Variants in IDH1 observed in about 807,000 individuals in gnomAD.
IDH1 encodes the protein isocitrate dehydrogenase (NADP(+)) 1, also known as isocitrate dehydrogenase [NADP] cytoplasmic.
Under a neutral mutation model 46.1 loss-of-function variants are expected in IDH1, and 33 were observed. The ratio of observed to expected loss-of-function variants is 0.72; its 90% CI spans 0.54 to 0.96. IDH1 has a LOEUF of 0.96. Ranked by LOEUF, IDH1 falls within the 40% of genes least tolerant of loss-of-function variation. The pLI, the probability that IDH1 is intolerant of heterozygous loss-of-function variation, is 0.00. For synonymous variants in IDH1, 144 were observed against 172.8 expected (o/e 0.83, Z 1.31); for missense variants, 421 against 515.7 (o/e 0.82, Z 1.78).
chr2:208,252,907 G>C (rs181688824), intron 2 of IDH1, among the ~76,000 whole-genome samples: 13 of 152,324 alleles, frequency 8.5e-5, no homozygotes, highest in African/African-American at 2.6e-4. Flanking sequence ...TGAACAGAAT[G>C]GTGTGGATGA....
chr2:208,251,190 T>G, intron 3 of IDH1: 1 of 391,438 alleles, frequency 2.6e-6, no homozygotes, highest in Non-Finnish European at 4.6e-6. Context: ...AAAGCTAACT[T>G]CACCTCAAAA....
chr2:208,254,721 C>G (rs1343513274), intron 1 of IDH1, among the ~76,000 whole-genome samples: 1 of 152,202 alleles, frequency 6.6e-6, no homozygotes, highest in Non-Finnish European at 1.5e-5. Flanking sequence ...GGCCCAAAAG[C>G]AGACCTTCTG....
intron 6 of IDH1, among the ~76,000 whole-genome samples, chr2:208,242,826 G>A (rs777790878): frequency 5.3e-5 from 8 of 150,812 alleles, no homozygotes; most frequent in Non-Finnish European, 8.8e-5. Flanking sequence ...GTGCAGTGGC[G>A]TGATTTCGGC....
Position 208,243,667 on chromosome 2 carries a change from A to T in IDH1, c.521-63T>A, listed in dbSNP as rs1244581896. 6 of 1,372,542 alleles carry T rather than the reference A, an allele frequency of 4.4e-6. No homozygotes were observed. The African/African-American group carries it at 8.6e-5, about 20-fold the overall frequency. The allele number at this position is 1,372,542 out of a possible 1,614,324, so 85.0% of individuals were successfully genotyped here. ...AGAATAAATGTAATGTAGTTGTAAT[A>T]AGGCTAAAATCACCCACCACAACCA... On this transcript the variant is annotated intron_variant, in intron 5 of 9. Coordinates refer to ENST00000345146, the MANE Select transcript of IDH1 (RefSeq NM_005896.4).
chr2:208,238,961 G>A, intron 9 of IDH1, 110 bp downstream of exon 9: 1 of 1,009,950 alleles, frequency 9.9e-7, no homozygotes, highest in Non-Finnish European at 1.6e-6. Flanking sequence ...GCTGACTCCT[G>A]AACTAGATGA....
At position 208,236,972 on chromosome 2, in the gene IDH1, A is replaced by C. The variant is rs185188955; in HGVS notation, c.*107T>G. On this transcript the variant is annotated 3_prime_UTR_variant, in exon 10 of 10. Transcript: ENST00000345146. Reference sequence around the variant, plus strand: ...AAAGATAAACTCTGGCTTCTAAACAAATTACAAAATTGATTTTGCCTTTAT... The same window carrying C: ...AAAGATAAACTCTGGCTTCTAAACACATTACAAAATTGATTTTGCCTTTAT... The C allele has an allele frequency of 1.7e-4, 119 of 689,810 alleles. No homozygotes were observed. In the East Asian group the frequency reaches 2.4e-3, roughly 14 times the overall value. 42.7% of individuals were successfully genotyped at this position (689,810 alleles called of 1,614,324 possible).
At chr2:208,251,763 A>C (rs1488272745) in intron 2 of IDH1, among the ~76,000 whole-genome samples, 196 bp from the exon 3 acceptor site, 1 of 152,164 alleles carries the variant, frequency 6.6e-6, no homozygotes, top group Non-Finnish European at 1.5e-5. Context: ...TTCTCTGAAC[A>C]AAGTATTGTG....
chr2:208,248,466 G>A lies in IDH1; in HGVS notation c.317C>T (p.Thr106Met), dbSNP rs1168869530. The A allele has an allele frequency of 1.7e-5, 27 of 1,613,974 alleles. No homozygotes were observed. The highest frequency in any genetic ancestry group is 1.6e-4 in the Middle Eastern group (1 of 6,062). ...NGTIRNILGG[T>M]VFREAIICKN... ...GCAGATAATGGCTTCTCTGAAGACC[G>A]TGCCACCCAGAATATTTCGTATGGT... The change falls in exon 4 of 10, where the codon ACG (threonine) becomes ATG (methionine). Residue 106 changes from threonine to methionine, a missense_variant. Transcript: ENST00000345146.
chr2:208,242,027 C>T lies in IDH1; in HGVS notation c.817G>A (p.Asp273Asn). ...GGFIWACKNY[D>N]GDVQSDSVAQ... ...ACAGAGTCCGACTGCACGTCACCAT[C>T]ATAGTTTTTACAGGCCCAGATGAAG... is the stretch of plus-strand genomic sequence containing the variant. The change falls in exon 7 of 10, where the codon GAT (aspartate) becomes AAT (asparagine). Residue 273 changes from aspartate to asparagine, a missense_variant. By Grantham distance (23) the Asp-to-Asn change is conservative. Transcript: ENST00000345146. The T allele has an allele frequency of 1.9e-6, 3 of 1,612,832 alleles. No individual in the cohort carries two copies. The East Asian group carries it at 6.7e-5, about 36-fold the overall frequency.
chr2:208,251,093 C>G (rs1688113705), intron 3 of IDH1, among the ~76,000 whole-genome samples: 1 of 152,022 alleles, frequency 6.6e-6, no homozygotes, highest in Admixed American at 6.5e-5. Flanking sequence ...GTTTTTCTAG[C>G]AGTATGTTAA....
intron 4 of IDH1, among the ~76,000 whole-genome samples, chr2:208,247,033 G>A (rs1031485410): frequency 8.5e-5 from 13 of 152,294 alleles, no homozygotes; most frequent in South Asian, 8.3e-4. Flanking sequence ...TAGCGAGTTT[G>A]CACCACTGCC....
At chr2:208,254,738 C>T (rs888068633) in intron 1 of IDH1, among the ~76,000 whole-genome samples, 2 of 152,166 alleles carry the variant, frequency 1.3e-5, no homozygotes, top group Non-Finnish European at 2.9e-5. Flanking sequence ...TCTGCATATC[C>T]AAGCATCCAG....
chr2:208,250,860 CTAAG>C (rs1413262046), intron 3 of IDH1, among the ~76,000 whole-genome samples: 2 of 152,186 alleles, frequency 1.3e-5, no homozygotes, highest in Non-Finnish European at 2.9e-5. Flanking sequence ...GGTCCATTGA[CTAAG>C]TAAAGTGATA....
intron 7 of IDH1, 102 bp from the exon 8 acceptor site, chr2:208,240,105 A>G (rs1363614785): frequency 2.4e-6 from 3 of 1,228,460 alleles, no homozygotes; most frequent in Admixed American, 1.8e-5. Flanking sequence ...AGGTCTTGGT[A>G]AGCAAAGTAA....
intron 2 of IDH1, among the ~76,000 whole-genome samples, 152 bp downstream of exon 2, chr2:208,253,733 TA>T (rs1024026259): frequency 6.6e-6 from 1 of 152,202 alleles, no homozygotes; most frequent in South Asian, 2.1e-4. Context: ...GACACTGTAT[TA>T]AAAGAAACAA....
At chr2:208,242,925 C>T (rs929689093) in intron 6 of IDH1, among the ~76,000 whole-genome samples, 6 of 152,022 alleles carry the variant, frequency 3.9e-5, no homozygotes, top group South Asian at 2.1e-4. Flanking sequence ...CCACCACGCC[C>T]GGCTAATTTT....
chr2:208,245,171 C>G (rs1353349617), intron 5 of IDH1, 148 bp downstream of exon 5: 3 of 615,258 alleles, frequency 4.9e-6, no homozygotes, highest in African/African-American at 1.9e-5. Flanking sequence ...CAAATTACTT[C>G]TTTATGTCAA....
intron 7 of IDH1, 120 bp downstream of exon 7, chr2:208,241,874 T>C (rs1486004555): frequency 5.2e-6 from 5 of 966,490 alleles, no homozygotes; most frequent in African/African-American, 1.6e-5. Context: ...GGTAAGACGG[T>C]GGACCTGGAG....
Position 208,240,020 on chromosome 2 carries a change from A to G in IDH1, c.851-17T>C, listed in dbSNP as rs1024382429. On this transcript the variant is annotated splice_polypyrimidine_tract_variant and intron_variant, in intron 7 of 9. Transcript: ENST00000345146. ...AGCCATACCCTGTAAGTAGTGGAGCATGAAGCGTTGGGTCCAACTGCATGA... is the reference window on the plus strand; with the variant it reads ...AGCCATACCCTGTAAGTAGTGGAGCGTGAAGCGTTGGGTCCAACTGCATGA... 6.2e-7 allele frequency: 1 copy of G among 1,614,050 alleles called. No homozygotes were observed. The highest frequency in any genetic ancestry group is 1.3e-5 in the African/African-American group (1 of 74,952).
Sources: allele counts gnomAD v4.1 joint callset (sites outside exome capture counted in the v4.1 genomes callset), GRCh38; gene constraint gnomAD v4.1.1; transcripts MANE v1.5; gene names NCBI Gene and HGNC (gene_info 2026-07-23, HGNC 2026-07-21).